NFATC2: variants seen among roughly 807,000 people sequenced by gnomAD.
The protein encoded by NFATC2 is nuclear factor of activated T cells 2.
A neutral mutation model predicts 87.3 loss-of-function variants in NFATC2; 22 were observed. That is an observed-to-expected ratio of 0.25 (90% CI 0.18 to 0.36). NFATC2 has a LOEUF of 0.36. NFATC2 is among the 10% of genes least tolerant of loss of function. The pLI is 1.00. For synonymous variants in NFATC2, 565 were observed against 542.2 expected (o/e 1.04, Z -0.58); for missense variants, 1,149 against 1,259.1 (o/e 0.91, Z 1.32).
At chr20:51,460,049 A>G (rs6021220) in intron 5 of NFATC2, among the ~76,000 whole-genome samples, 54,848 of 152,106 alleles carry the variant, frequency 0.36, 11,364 homozygotes, top group African/African-American at 0.57. Context: ...AATATCCTAT[A>G]TAAGACAAAA....
chr20:51,437,651 A>G (rs769395524), intron 6 of NFATC2, among the ~76,000 whole-genome samples: 7 of 152,178 alleles, frequency 4.6e-5, no homozygotes, highest in African/African-American at 7.2e-5. Flanking sequence ...CGCAATGAAC[A>G]CGCTAGAGCC....
At chr20:51,497,080 C>T (rs1415313545) in intron 3 of NFATC2, among the ~76,000 whole-genome samples, 3 of 152,222 alleles carry the variant, frequency 2.0e-5, no homozygotes, top group African/African-American at 7.2e-5. Flanking sequence ...CACTCCCATC[C>T]TGGCCCTGAG....
intron 6 of NFATC2, among the ~76,000 whole-genome samples, chr20:51,445,412 C>G (rs1008390802): frequency 6.6e-6 from 1 of 152,210 alleles, no homozygotes; most frequent in Non-Finnish European, 1.5e-5. Context: ...CCAGCAAGAG[C>G]TCCCTGACTC....
chr20:51,486,985 C>CAGCT (rs1174009402), intron 3 of NFATC2, among the ~76,000 whole-genome samples: 1 of 152,204 alleles, frequency 6.6e-6, no homozygotes, highest in East Asian at 1.9e-4. Flanking sequence ...AGCAGCCTGG[C>CAGCT]AGCTCATGGA....
chr20:51,437,108 G>A (rs993293267), intron 6 of NFATC2, among the ~76,000 whole-genome samples: 3 of 94,608 alleles, frequency 3.2e-5, no homozygotes, highest in Admixed American at 1.2e-4. Flanking sequence ...CCAAGAAGTT[G>A]GGCCAAAAAA....
rs1218662845 is a variant in NFATC2 at position 51,432,665 on chromosome 20, G to A, written c.2124C>T (p.Tyr708=). ...THGGLGSQPY[Y]PQHPMVAESP... ...ACTCGGCCACCATCGGGTGCTGGGG[G>A]TAGTAAGGCTGGCTCCCCAGGCCTC... The change falls in exon 9 of 11, where the codon TAC becomes TAT. Residue 708 remains tyrosine, a synonymous_variant. Coordinates refer to ENST00000371564, the MANE Select transcript of NFATC2 (RefSeq NM_012340.5). The surrounding 1 kb of genome is among the most constrained non-coding windows in gnomAD (Gnocchi z 4.6). 1.9e-6 allele frequency: 3 copies of A among 1,564,964 alleles called. No individual in the cohort carries two copies. In the East Asian group the frequency reaches 6.7e-5, roughly 35 times the overall value.
intron 3 of NFATC2, among the ~76,000 whole-genome samples, chr20:51,477,558 T>TATACAC (rs529637998): frequency 1.6e-3 from 199 of 121,974 alleles, no homozygotes; most frequent in African/African-American, 5.7e-3. Context: ...TATATATATA[T>TATACAC]ATATATATAT....
chr20:51,425,712 T>A (rs1981710074), intron 9 of NFATC2, among the ~76,000 whole-genome samples: 1 of 152,230 alleles, frequency 6.6e-6, no homozygotes, highest in Admixed American at 6.5e-5. Context: ...ACAAAACACT[T>A]TTCCATCGCT....
At chr20:51,479,546 G>A (rs1989048475) in intron 3 of NFATC2, among the ~76,000 whole-genome samples, 1 of 152,240 alleles carries the variant, frequency 6.6e-6, no homozygotes. Flanking sequence ...GTTGAGTCCA[G>A]GAGGTTGAGG....
Position 51,456,864 on chromosome 20 carries a change from G to A in NFATC2, c.1709-2176C>T, listed in dbSNP as rs533778750. Among the ~76,000 whole-genome samples, 34 of 152,348 alleles carry A rather than the reference G, an allele frequency of 2.2e-4. No individual in the cohort carries two copies. In the East Asian group the frequency reaches 2.9e-3, roughly 13 times the overall value. ...TGCTGGGGCCACTCAATGGAGCAAC[G>A]ATGCACTTGGCAACATTTCAGGAGT... On this transcript the variant is annotated intron_variant, in intron 5 of 10. Coordinates refer to ENST00000371564, the MANE Select transcript of NFATC2 (RefSeq NM_012340.5).
chr20:51,503,542 C>T (rs947869477), intron 3 of NFATC2, among the ~76,000 whole-genome samples: 4 of 152,176 alleles, frequency 2.6e-5, no homozygotes, highest in Admixed American at 6.5e-5. Flanking sequence ...AGGCGGGCAT[C>T]GGAGGGCCCA....
rs1381577954 is a variant in NFATC2 at position 51,454,533 on chromosome 20, C to A, written c.1849+15G>T. The stretch of plus-strand genomic sequence containing the variant: ...GATTCTGGGGGACAGAGAAAGAGCT[C>A]AAAAATCCACTGACCTGTGGTCTTC... On this transcript the variant is annotated intron_variant, in intron 6 of 10. Transcript: ENST00000371564. The A allele has an allele frequency of 6.2e-7, 1 of 1,613,378 alleles. No individual in the cohort carries two copies. Among genetic ancestry groups the A allele is most frequent in the South Asian group, 1.1e-5 (1 of 91,016 alleles).
intron 3 of NFATC2, among the ~76,000 whole-genome samples, chr20:51,493,105 G>A (rs1277388035): frequency 6.6e-6 from 1 of 152,222 alleles, no homozygotes; most frequent in East Asian, 1.9e-4. Flanking sequence ...CAGAGCAGTG[G>A]GGTCCAACAG....
intron 1 of NFATC2, among the ~76,000 whole-genome samples, chr20:51,559,822 T>C (rs1028749707): frequency 1.3e-5 from 2 of 152,298 alleles, no homozygotes; most frequent in African/African-American, 4.8e-5. Flanking sequence ...ACAATACTAT[T>C]TGGTGTGTGT....
chr20:51,395,995 G>C (rs111812890), intron 10 of NFATC2, among the ~76,000 whole-genome samples: 6 of 141,228 alleles, frequency 4.2e-5, no homozygotes, highest in African/African-American at 1.6e-4. Context: ...CAGGCTGGGG[G>C]CCAGGATTGA....
chr20:51,396,011 G>GAGCTGT (rs1987027613), intron 10 of NFATC2, among the ~76,000 whole-genome samples: 1 of 133,222 alleles, frequency 7.5e-6, no homozygotes, highest in Admixed American at 7.9e-5. Context: ...ATTGACCCAA[G>GAGCTGT]AGCTGTAGTT....
At chr20:51,493,866 G>A (rs547307570) in intron 3 of NFATC2, among the ~76,000 whole-genome samples, 98 of 152,284 alleles carry the variant, frequency 6.4e-4, no homozygotes, top group Admixed American at 2.1e-3. Flanking sequence ...TTGACCATCA[G>A]CCTGCTCAGA....
chr20:51,410,568 GA>G lies in NFATC2; in HGVS notation c.2723-11839del, dbSNP rs374948573. 5.8e-3 allele frequency among the ~76,000 whole-genome samples: 883 copies of G among 151,978 alleles called. 8 individuals are homozygous for G. Among genetic ancestry groups the G allele is most frequent in the South Asian group, 0.016 (76 of 4,788 alleles). On this transcript the variant is annotated intron_variant, in intron 9 of 10. Coordinates refer to ENST00000371564, the MANE Select transcript of NFATC2 (RefSeq NM_012340.5). ...GAAGAGAGGGAGAGAAAGAGGGAGA[GA>G]AAGGGAGGGAGAGAGAAGAAAGAAG...
At chr20:51,437,210 T>C (rs1457865563) in intron 6 of NFATC2, among the ~76,000 whole-genome samples, 1 of 152,150 alleles carries the variant, frequency 6.6e-6, no homozygotes, top group Non-Finnish European at 1.5e-5. Context: ...AAACAAATAA[T>C]TTCAACAAGT....
Sources: gnomAD v4.1 joint callset for allele counts (sites outside exome capture counted in the v4.1 genomes callset) on GRCh38, gnomAD v4.1.1 for gene constraint, Gnocchi (gnomAD v3.1) non-coding constraint, MANE v1.5 for transcripts, NCBI Gene and HGNC (gene_info 2026-07-23, HGNC 2026-07-21) for gene names.